Variants in CPVL observed in about 807,000 individuals in gnomAD.
The protein encoded by CPVL is probable serine carboxypeptidase CPVL.
A neutral mutation model predicts 63.7 loss-of-function variants in CPVL; 51 were observed. The observed-to-expected ratio is 0.80, with a 90% confidence interval of 0.64 to 1.01. The LOEUF (loss-of-function observed/expected upper bound fraction) is 1.01, where lower values mean the gene tolerates loss of function less well. Among genes scored for constraint, CPVL ranks in the 50% least tolerant of loss-of-function variants. The pLI is 0.00. For synonymous variants in CPVL, 195 were observed against 206.0 expected, an observed-to-expected ratio of 0.95 and a Z score of 0.46; for missense variants, 530 against 573.1, an observed-to-expected ratio of 0.92 and a Z score of 0.77.
intron 12 of CPVL, among the ~76,000 whole-genome samples, chr7:29,021,849 A>G (rs1279945010): frequency 6.6e-6 from 1 of 151,942 alleles, no homozygotes; most frequent in Non-Finnish European, 1.5e-5. Flanking sequence ...CTACATATCT[A>G]CATCCCTGAA....
chr7:29,121,104 A>G (rs1199729067), intron 1 of CPVL, 33 bp from the exon 2 acceptor site: 12 of 1,526,556 alleles, frequency 7.9e-6, no homozygotes, highest in African/African-American at 4.2e-5. Flanking sequence ...AAAATGAATC[A>G]TAAGAGTAAA....
chr7:29,081,918 C>T (rs898258522), intron 7 of CPVL, among the ~76,000 whole-genome samples: 23 of 152,226 alleles, frequency 1.5e-4, no homozygotes, highest in African/African-American at 5.3e-4. Context: ...TTCTGAACAG[C>T]TGCTCCAGAC....
At chr7:29,175,586 C>A (rs1797206242) in intron 5 of CPVL, among the ~76,000 whole-genome samples, 1 of 152,204 alleles carries the variant, frequency 6.6e-6, no homozygotes, top group African/African-American at 2.4e-5. Context: ...TGAGGCCTCC[C>A]CAGCCGTATG....
chr7:29,114,972 T>C (rs1788636055), intron 2 of CPVL, among the ~76,000 whole-genome samples: 1 of 152,136 alleles, frequency 6.6e-6, no homozygotes, highest in South Asian at 2.1e-4. Context: ...CAGGTGGTCC[T>C]TGAGGGTCCT....
chr7:29,013,637 G>A (rs1341467362), intron 12 of CPVL, among the ~76,000 whole-genome samples: 1 of 152,188 alleles, frequency 6.6e-6, no homozygotes, highest in Non-Finnish European at 1.5e-5. Context: ...CCAACTCCCT[G>A]CCCCCAAATC....
chr7:29,031,802 T>A (rs1376807557), intron 11 of CPVL, among the ~76,000 whole-genome samples: 2 of 152,134 alleles, frequency 1.3e-5, no homozygotes, highest in African/African-American at 4.8e-5. Flanking sequence ...CCATTTAAAA[T>A]GTTTCATTGA....
rs371358374 is a variant in CPVL at position 29,031,780 on chromosome 7, GATATT to G, written c.1138-1026_1138-1022del. On this transcript the variant is annotated intron_variant, in intron 11 of 12. Coordinates refer to ENST00000265394, the MANE Select transcript of CPVL (RefSeq NM_031311.5). ...GCACAACAGTATAAGAATTCTATAG[GATATT>G]ATAAGACCATTTAAAATGTTTCATT... Among the ~76,000 whole-genome samples the G allele has an allele frequency of 8.0e-3, 1,215 of 152,144 alleles. 5 individuals carry two copies. Among genetic ancestry groups the G allele is most frequent in the Non-Finnish European group, 0.011 (723 of 67,990 alleles).
intron 12 of CPVL, among the ~76,000 whole-genome samples, chr7:29,030,047 T>C (rs1193353037): frequency 6.6e-6 from 1 of 152,168 alleles, no homozygotes; most frequent in Non-Finnish European, 1.5e-5. Context: ...GAGGAAACAC[T>C]TCCCAACTTA....
chr7:29,037,503 C>T (rs1424133785), intron 11 of CPVL, among the ~76,000 whole-genome samples: 3 of 135,752 alleles, frequency 2.2e-5, no homozygotes, highest in East Asian at 4.2e-4. Context: ...CAGTGAGCTG[C>T]GATCGCACCA....
intron 11 of CPVL, among the ~76,000 whole-genome samples, chr7:29,063,560 A>C (rs951362739): frequency 6.6e-6 from 1 of 151,996 alleles, no homozygotes; most frequent in African/African-American, 2.4e-5. Flanking sequence ...AAAGTGGTTA[A>C]ATTATTTTAT....
chr7:29,051,107 T>C (rs985487499), intron 11 of CPVL, among the ~76,000 whole-genome samples: 7 of 152,166 alleles, frequency 4.6e-5, no homozygotes, highest in South Asian at 2.1e-4. Flanking sequence ...CAACTCAAGA[T>C]TGATTAAGGA....
chr7:29,047,329 T>G (rs1380628108), intron 11 of CPVL, among the ~76,000 whole-genome samples: 2 of 152,078 alleles, frequency 1.3e-5, no homozygotes, highest in Non-Finnish European at 2.9e-5. Flanking sequence ...GGAAATAGAT[T>G]GCATAAAGAA....
chr7:28,994,850 T>C (rs1783930099), downstream of CPVL, among the ~76,000 whole-genome samples: 1 of 152,224 alleles, frequency 6.6e-6, no homozygotes, highest in African/African-American at 2.4e-5. Context: ...AAGGAAGTGA[T>C]GTGGAAAAAT....
intron 1 of CPVL, among the ~76,000 whole-genome samples, chr7:29,138,200 G>A (rs1791444768): frequency 6.6e-6 from 1 of 152,180 alleles, no homozygotes; most frequent in Admixed American, 6.5e-5. Context: ...CACTTTGGGA[G>A]GCCAAGGTGG....
chr7:29,024,818 A>G (rs1364454752), intron 12 of CPVL, among the ~76,000 whole-genome samples: 1 of 152,228 alleles, frequency 6.6e-6, no homozygotes, highest in African/African-American at 2.4e-5. Flanking sequence ...TTACCATTGG[A>G]CTGGCCCTAC....
upstream of CPVL, chr7:29,147,181 G>A (rs889874987): frequency 1.7e-6 from 1 of 603,526 alleles, no homozygotes; most frequent in Non-Finnish European, 2.8e-6. Context: ...GAGCCAGACA[G>A]TACGGGAGCA....
intron 3 of CPVL, among the ~76,000 whole-genome samples, chr7:29,111,170 GA>G (rs1291584552): frequency 6.6e-6 from 1 of 152,084 alleles, no homozygotes; most frequent in Non-Finnish European, 1.5e-5. Context: ...CTAATATAAA[GA>G]AGTTACTGCA....
In CPVL at chr7:29,170,498, C is replaced by T. The variant is rs151092982; in HGVS notation, c.-11+10792G>A. On this transcript the variant is annotated intron_variant, in intron 5 of 16. Coordinates refer to the CPVL transcript ENST00000409850. ...TTTTCTCCAATTGTTCATCTGGGGA[C>T]GAATTTAAGTAATTTGTACATGTCC... 2.8e-3 allele frequency among the ~76,000 whole-genome samples: 419 copies of T among 152,182 alleles called. 2 individuals carry two copies. The highest frequency in any genetic ancestry group is 9.4e-3 in the African/African-American group (390 of 41,522).
chr7:29,056,443 G>A (rs149312794), intron 11 of CPVL, among the ~76,000 whole-genome samples: 2 of 152,210 alleles, frequency 1.3e-5, no homozygotes, highest in African/African-American at 2.4e-5. Flanking sequence ...CATACAGTAC[G>A]TAGCCTTTTC....
Sources: allele counts gnomAD v4.1 joint callset (sites outside exome capture counted in the v4.1 genomes callset), GRCh38; gene constraint gnomAD v4.1.1; transcripts MANE v1.5; gene names NCBI Gene and HGNC (gene_info 2026-07-23, HGNC 2026-07-21).